Variants in MBD5 observed in about 807,000 individuals in gnomAD.
The protein encoded by MBD5 is methyl-CpG-binding domain protein 5.
Under a neutral mutation model 117.3 loss-of-function variants are expected in MBD5, and 13 were observed. That is an observed-to-expected ratio of 0.11 (90% CI 0.07 to 0.18). The LOEUF is 0.18. MBD5 is among the 10% of genes least tolerant of loss of function. The pLI is 1.00. For synonymous variants in MBD5, 727 were observed against 766.4 expected (o/e 0.95, Z 0.85); for missense variants, 1,879 against 2,093.8 (o/e 0.90, Z 2.00).
chr2:148,334,946 T>G (rs1395603768), intron 3 of MBD5, among the ~76,000 whole-genome samples: 1 of 152,170 alleles, frequency 6.6e-6, no homozygotes, highest in African/African-American at 2.4e-5. Flanking sequence ...GCTTATATAT[T>G]TAAATGCTTG....
At chr2:148,426,304 G>T (rs1205776046) in intron 4 of MBD5, among the ~76,000 whole-genome samples, 17 of 152,070 alleles carry the variant, frequency 1.1e-4, no homozygotes, top group Admixed American at 2.0e-4. Flanking sequence ...AAAACTACTT[G>T]AAAGTTCATA....
At chr2:148,223,344 A>G (rs1699739692) in intron 2 of MBD5, among the ~76,000 whole-genome samples, 1 of 151,888 alleles carries the variant, frequency 6.6e-6, no homozygotes, top group South Asian at 2.1e-4. Context: ...ATTGGTATTC[A>G]TTTTTTAAAT....
chr2:148,321,898 T>A (rs1702292228), intron 3 of MBD5, among the ~76,000 whole-genome samples: 2 of 152,282 alleles, frequency 1.3e-5, no homozygotes, highest in African/African-American at 4.8e-5. Flanking sequence ...TTAATTTTTT[T>A]AAAATGCCAT....
chr2:148,092,032 A>G (rs970241557), intron 1 of MBD5, among the ~76,000 whole-genome samples: 3 of 152,224 alleles, frequency 2.0e-5, no homozygotes, highest in African/African-American at 7.2e-5. Flanking sequence ...AGGAAGACAT[A>G]TAAATGGCCA....
intron 4 of MBD5, among the ~76,000 whole-genome samples, chr2:148,350,752 G>A (rs1009275634): frequency 3.3e-5 from 5 of 151,868 alleles, no homozygotes; most frequent in African/African-American, 9.7e-5. Flanking sequence ...TTTGTTTCTA[G>A]GATTGAGCAT....
intron 7 of MBD5, among the ~76,000 whole-genome samples, chr2:148,464,208 C>A (rs1239468175): frequency 2.0e-5 from 3 of 152,036 alleles, no homozygotes; most frequent in African/African-American, 7.2e-5. Flanking sequence ...AACAAAAGTT[C>A]CCTTGGTTTT....
intron 6 of MBD5, among the ~76,000 whole-genome samples, chr2:148,463,324 TC>T (rs1415119395): frequency 1.3e-5 from 2 of 152,146 alleles, no homozygotes; most frequent in African/African-American, 4.8e-5. Context: ...ATTTTCAAAA[TC>T]AGTGACAAGA....
intron 3 of MBD5, among the ~76,000 whole-genome samples, chr2:148,286,752 G>T (rs1487783932): frequency 6.6e-6 from 1 of 152,100 alleles, no homozygotes; most frequent in African/African-American, 2.4e-5. Flanking sequence ...AATAATTGCA[G>T]CCAGGACAAG....
intron 4 of MBD5, among the ~76,000 whole-genome samples, chr2:148,354,439 A>T (rs1303635977): frequency 1.3e-5 from 2 of 152,232 alleles, no homozygotes; most frequent in African/African-American, 4.8e-5. Flanking sequence ...TGCAAAGGAC[A>T]TGAACTCATC....
rs189893853 is a variant in MBD5 at position 148,507,078 on chromosome 2, C to T, written c.5037-2982C>T. Among the ~76,000 whole-genome samples the T allele has an allele frequency of 4.4e-4, 67 of 152,310 alleles. 1 individual carries two copies. The highest frequency in any genetic ancestry group is 8.1e-4 in the Non-Finnish European group (55 of 68,026). Reference sequence around the variant, plus strand: ...TCTCTTCCAAAAGTAGTCATTTCTCCCTCTATTAACTACTAAGTTGTGTTA... The same window carrying T: ...TCTCTTCCAAAAGTAGTCATTTCTCTCTCTATTAACTACTAAGTTGTGTTA... On this transcript the variant is annotated intron_variant, in intron 12 of 13. Coordinates refer to ENST00000642680, the MANE Select transcript of MBD5 (RefSeq NM_001378120.1).
chr2:148,413,597 G>A (rs902032649), intron 4 of MBD5, among the ~76,000 whole-genome samples: 8 of 150,874 alleles, frequency 5.3e-5, no homozygotes, highest in African/African-American at 1.9e-4. Flanking sequence ...AATCCATCTG[G>A]TCCTGGGTTT....
At chr2:148,300,406 C>A (rs968522899) in intron 3 of MBD5, among the ~76,000 whole-genome samples, 1 of 151,968 alleles carries the variant, frequency 6.6e-6, no homozygotes, top group African/African-American at 2.4e-5. Context: ...TACTTAAGAT[C>A]CAATGCTATT....
chr2:148,482,654 C>T (rs1681195738), intron 8 of MBD5, among the ~76,000 whole-genome samples: 1 of 151,932 alleles, frequency 6.6e-6, no homozygotes, highest in Non-Finnish European at 1.5e-5. Context: ...TTTCTTTTCA[C>T]TAAAAGGAAG....
chr2:148,420,343 A>G (rs1705562909), intron 4 of MBD5, among the ~76,000 whole-genome samples: 1 of 152,194 alleles, frequency 6.6e-6, no homozygotes, highest in African/African-American at 2.4e-5. Context: ...CACAGTTAGC[A>G]TATCCCAAAC....
chr2:148,274,808 C>T (rs1354381584), intron 3 of MBD5, among the ~76,000 whole-genome samples: 2 of 151,680 alleles, frequency 1.3e-5, no homozygotes, highest in Non-Finnish European at 2.9e-5. Flanking sequence ...CTGCAACCTC[C>T]GCCTTCTGGG....
chr2:148,203,824 T>C (rs1699205345), intron 2 of MBD5, among the ~76,000 whole-genome samples: 1 of 152,074 alleles, frequency 6.6e-6, no homozygotes, highest in South Asian at 2.1e-4. Context: ...CAACATAAGG[T>C]ATGTTATGTG....
intron 1 of MBD5, among the ~76,000 whole-genome samples, chr2:148,130,900 C>T (rs933976812): frequency 1.3e-5 from 2 of 152,118 alleles, no homozygotes; most frequent in African/African-American, 4.8e-5. Flanking sequence ...AAAAAGCTCA[C>T]CAAAGGTGAT....
chr2:148,132,338 A>G (rs1264233219), intron 1 of MBD5, among the ~76,000 whole-genome samples: 2 of 146,810 alleles, frequency 1.4e-5, no homozygotes, highest in Non-Finnish European at 3.0e-5. Context: ...ATACATATAT[A>G]TATATATATA....
chr2:148,207,202 C>A (rs985545030), intron 2 of MBD5, among the ~76,000 whole-genome samples: 3 of 152,092 alleles, frequency 2.0e-5, no homozygotes, highest in African/African-American at 7.2e-5. Flanking sequence ...GGTAAATGGG[C>A]TAGCATTATC....
Sources: gnomAD v4.1 joint callset for allele counts (sites outside exome capture counted in the v4.1 genomes callset) on GRCh38, gnomAD v4.1.1 for gene constraint, MANE v1.5 for transcripts, NCBI Gene and HGNC (gene_info 2026-07-23, HGNC 2026-07-21) for gene names.